The following COMMD10 variants were observed in gnomAD, a reference collection of about 807,000 sequenced individuals.
COMMD10 encodes COMM domain containing 10.
Under a neutral mutation model 28.9 loss-of-function variants are expected in COMMD10, and 33 were observed. That is an observed-to-expected ratio of 1.14 (90% CI 0.87 to 1.53). The LOEUF (loss-of-function observed/expected upper bound fraction) is 1.53, where lower values mean the gene tolerates loss of function less well. Ranked by LOEUF, COMMD10 falls within the 40% of genes most tolerant of loss-of-function variation. COMMD10 has a pLI of 0.00. For missense variants in COMMD10, 310 were observed against 233.4 expected, an observed-to-expected ratio of 1.33 and a Z score of -2.14; for synonymous variants, 110 against 81.7, an observed-to-expected ratio of 1.35 and a Z score of -1.87.
chr5:116,169,830 G>A (rs948288991), intron 5 of COMMD10, among the ~76,000 whole-genome samples: 5 of 151,982 alleles, frequency 3.3e-5, no homozygotes, highest in Non-Finnish European at 7.4e-5. Flanking sequence ...GTACTGATGG[G>A]ACGTATCTCA....
chr5:116,287,808 A>G (rs1156688793), intron 5 of COMMD10, among the ~76,000 whole-genome samples: 2 of 151,708 alleles, frequency 1.3e-5, no homozygotes, highest in East Asian at 1.9e-4. Context: ...TCAAACTGAT[A>G]ACAACCTAAC....
intron 4 of COMMD10, among the ~76,000 whole-genome samples, chr5:116,131,313 T>A (rs1212549402): frequency 6.6e-6 from 1 of 151,982 alleles, no homozygotes; most frequent in Non-Finnish European, 1.5e-5. Context: ...TAATGTTTAC[T>A]CATTATAAAA....
At chr5:116,217,904 C>A (rs1419220647) in intron 5 of COMMD10, 4 of 635,930 alleles carry the variant, frequency 6.3e-6, no homozygotes, top group African/African-American at 5.5e-5. Flanking sequence ...TGTGTGCTAA[C>A]AGCATAGCTC....
chr5:116,182,828 A>G (rs1242745119), intron 5 of COMMD10, among the ~76,000 whole-genome samples: 2 of 152,108 alleles, frequency 1.3e-5, no homozygotes, highest in Non-Finnish European at 2.9e-5. Flanking sequence ...CCTCAAGGGC[A>G]GGACCAAGTA....
At chr5:116,240,118 C>A (rs1160006906) in intron 5 of COMMD10, among the ~76,000 whole-genome samples, 1 of 151,934 alleles carries the variant, frequency 6.6e-6, no homozygotes, top group Non-Finnish European at 1.5e-5. Flanking sequence ...AGAGAGAGTC[C>A]TCTTTCAGGT....
intron 5 of COMMD10, among the ~76,000 whole-genome samples, chr5:116,204,258 C>CA (rs1748754962): frequency 2.0e-5 from 3 of 152,144 alleles, no homozygotes; most frequent in African/African-American, 7.2e-5. Flanking sequence ...AAGTGACCTA[C>CA]AAGGAGACTT....
At chr5:116,189,013 C>T (rs973300999) in intron 5 of COMMD10, among the ~76,000 whole-genome samples, 5 of 152,168 alleles carry the variant, frequency 3.3e-5, no homozygotes, top group Admixed American at 2.0e-4. Context: ...ATTCCTTAAA[C>T]AGTGTTCTAC....
chr5:116,225,894 T>A (rs1749383089), intron 5 of COMMD10, among the ~76,000 whole-genome samples: 1 of 152,114 alleles, frequency 6.6e-6, no homozygotes, highest in Non-Finnish European at 1.5e-5. Context: ...AGCTAGGAAT[T>A]TGTGTAGCTT....
At chr5:116,278,087 A>T (rs1750967989) in intron 5 of COMMD10, among the ~76,000 whole-genome samples, 1 of 151,832 alleles carries the variant, frequency 6.6e-6, no homozygotes, top group Admixed American at 6.6e-5. Context: ...TTGAGAAGTT[A>T]AATAATGTAC....
At chr5:116,271,654 G>A (rs1250910768) in intron 5 of COMMD10, among the ~76,000 whole-genome samples, 1 of 151,788 alleles carries the variant, frequency 6.6e-6, no homozygotes, top group South Asian at 2.1e-4. Context: ...TTTCACATTA[G>A]TCTGGACCAA....
intron 4 of COMMD10, among the ~76,000 whole-genome samples, chr5:116,132,031 T>C (rs1751878846): frequency 6.6e-6 from 1 of 151,962 alleles, no homozygotes; most frequent in Non-Finnish European, 1.5e-5. Context: ...AAGGAGCTAT[T>C]GGAGAATTTT....
At chr5:116,089,709 T>C (rs946563811) in intron 2 of COMMD10, among the ~76,000 whole-genome samples, 13 of 152,168 alleles carry the variant, frequency 8.5e-5, no homozygotes, top group African/African-American at 2.9e-4. Flanking sequence ...GAAGAGGTGC[T>C]TGTTGAAAAG....
chr5:116,089,102 G>A (rs1290824029), intron 2 of COMMD10, among the ~76,000 whole-genome samples: 1 of 152,172 alleles, frequency 6.6e-6, no homozygotes, highest in Non-Finnish European at 1.5e-5. Context: ...TGCAATGATA[G>A]CGGCAACATT....
intron 5 of COMMD10, among the ~76,000 whole-genome samples, chr5:116,251,223 C>T (rs1750105273): frequency 6.6e-6 from 1 of 151,574 alleles, no homozygotes; most frequent in Non-Finnish European, 1.5e-5. Flanking sequence ...GTATTTGTTC[C>T]CCATTACACA....
chr5:116,103,756 A>G (rs534578708), intron 4 of COMMD10, among the ~76,000 whole-genome samples: 49 of 152,272 alleles, frequency 3.2e-4, no homozygotes, highest in African/African-American at 1.1e-3. Context: ...CCTGAATGGT[A>G]TTGCATAGGT....
At chr5:116,118,981 G>C (rs1212765252) in intron 4 of COMMD10, among the ~76,000 whole-genome samples, 3 of 152,164 alleles carry the variant, frequency 2.0e-5, no homozygotes, top group Non-Finnish European at 4.4e-5. Flanking sequence ...TCAAAGATGT[G>C]CATTTGTTAA....
chr5:116,140,032 TC>T (rs1752147004), intron 5 of COMMD10, among the ~76,000 whole-genome samples: 1 of 151,732 alleles, frequency 6.6e-6, no homozygotes, highest in Non-Finnish European at 1.5e-5. Flanking sequence ...TTAACCTGCT[TC>T]TCCCCATTTT....
At chr5:116,189,374 C>T (rs72804876) in intron 5 of COMMD10, among the ~76,000 whole-genome samples, 2 of 152,246 alleles carry the variant, frequency 1.3e-5, no homozygotes, top group East Asian at 1.9e-4. Flanking sequence ...GATACTGGTA[C>T]CAGCAGTGGT....
intron 5 of COMMD10, among the ~76,000 whole-genome samples, chr5:116,187,203 T>G (rs1163701318): frequency 6.6e-6 from 1 of 152,116 alleles, no homozygotes; most frequent in Non-Finnish European, 1.5e-5. Context: ...CCTTTTCAGC[T>G]CCTAATGCTG....
Sources: allele counts gnomAD v4.1 joint callset (sites outside exome capture counted in the v4.1 genomes callset), GRCh38; gene constraint gnomAD v4.1.1; transcripts MANE v1.5; gene names NCBI Gene and HGNC (gene_info 2026-07-23, HGNC 2026-07-21).